Variants in MGST1 observed in about 807,000 individuals in gnomAD.
MGST1 encodes glutathione S-transferase 12.
MGST1 carries 5 observed loss-of-function variants against 8.9 expected under a neutral mutation model. That is an observed-to-expected ratio of 0.56 (90% CI 0.29 to 1.19). The LOEUF is 1.19. MGST1 is among the 50% of genes most tolerant of loss of function. The pLI, the probability that MGST1 is intolerant of heterozygous loss-of-function variation, is 0.08. For synonymous variants in MGST1, 54 were observed against 67.8 expected (o/e 0.80, Z 1.00); for missense variants, 182 against 187.4 (o/e 0.97, Z 0.17).
chr12:16,516,599 A>G (rs758342226), intron 4 of MGST1, among the ~76,000 whole-genome samples: 6 of 152,196 alleles, frequency 3.9e-5, no homozygotes, highest in Non-Finnish European at 7.3e-5. Flanking sequence ...CCAGTCTGAA[A>G]TTCTGTGGGC....
At chr12:16,540,443 A>G (rs1244073232) in intron 4 of MGST1, among the ~76,000 whole-genome samples, 1 of 152,152 alleles carries the variant, frequency 6.6e-6, no homozygotes, top group Non-Finnish European at 1.5e-5. Context: ...ATTGGTGTAT[A>G]AAAGGAACTG....
chr12:16,547,015 A>G lies in MGST1; in HGVS notation n.483-42513A>G, dbSNP rs2137220089. 6.6e-6 allele frequency among the ~76,000 whole-genome samples: 1 copy of G among 152,294 alleles called. No homozygotes were observed. The highest frequency in any genetic ancestry group is 1.5e-5 in the Non-Finnish European group (1 of 68,030). ...TATTCTTTGTACTGTTCAACACGAA[A>G]GTCTTACATCTTGATTATAAAAGTA... On this transcript the variant is annotated intron_variant and non_coding_transcript_variant, in intron 4 of 4. Coordinates refer to the MGST1 transcript ENST00000538857. This position sits in a 1 kb window ranked among gnomAD's most constrained non-coding sequence, Gnocchi z 4.6.
intron 4 of MGST1, among the ~76,000 whole-genome samples, chr12:16,492,413 G>C (rs560866079): frequency 6.6e-6 from 1 of 152,210 alleles, no homozygotes; most frequent in African/African-American, 2.4e-5. Flanking sequence ...AGCGCGGTTT[G>C]TGTTACAGCC....
At chr12:16,568,567 A>G (rs1467377280) in intron 4 of MGST1, among the ~76,000 whole-genome samples, 1 of 152,224 alleles carries the variant, frequency 6.6e-6, no homozygotes, top group African/African-American at 2.4e-5. Context: ...AGTGGGGCAT[A>G]TGTACCAGAT....
chr12:16,523,531 C>T (rs78295113), intron 4 of MGST1, among the ~76,000 whole-genome samples: 1 of 152,158 alleles, frequency 6.6e-6, no homozygotes, highest in Admixed American at 6.6e-5. Context: ...CAGCCATTCA[C>T]TTGCTGTTTT....
At chr12:16,404,904 C>T (rs1341901319) in intron 1 of MGST1, among the ~76,000 whole-genome samples, 1 of 148,624 alleles carries the variant, frequency 6.7e-6, no homozygotes, top group Non-Finnish European at 1.5e-5. Context: ...GTGGCAAACT[C>T]TCTCGGTTTT....
chr12:16,573,057 T>C (rs1032427780), intron 4 of MGST1, among the ~76,000 whole-genome samples: 38 of 151,926 alleles, frequency 2.5e-4, no homozygotes, highest in Non-Finnish European at 4.7e-4. Context: ...TCCAGATACA[T>C]CTTATAAAAG....
At chr12:16,528,821 A>G (rs1189815431) in intron 4 of MGST1, among the ~76,000 whole-genome samples, 1 of 152,058 alleles carries the variant, frequency 6.6e-6, no homozygotes, top group Non-Finnish European at 1.5e-5. Flanking sequence ...AGAAGAGCCC[A>G]TGTGGATTGG....
rs1241704075 is a variant in MGST1, at chr12:16,546,784, A to AT, written n.483-42737dup. On this transcript the variant is annotated intron_variant and non_coding_transcript_variant, in intron 4 of 4. Transcript: ENST00000538857. The surrounding 1 kb of genome is among the most constrained non-coding windows in gnomAD (Gnocchi z 4.7). ...GGTGACTTTTTATGTCAGGTTTGGT[A>AT]TTTTTTTAAATCCCTTCCCCTACTG... Among the ~76,000 whole-genome samples the AT allele has an allele frequency of 3.3e-5, 5 of 151,868 alleles. No homozygotes were observed. Among genetic ancestry groups the AT allele is most frequent in the African/African-American group, 4.8e-5 (2 of 41,364 alleles).
At chr12:16,373,590 T>C (rs1940333604) in intron 3 of MGST1, among the ~76,000 whole-genome samples, 1 of 151,984 alleles carries the variant, frequency 6.6e-6, no homozygotes, top group South Asian at 2.1e-4. Context: ...TAAAATAAAG[T>C]ATTTACTCTG....
Position 16,582,877 on chromosome 12 carries a change from G to A in MGST1, n.483-6651G>A, listed in dbSNP as rs746592121. Among the ~76,000 whole-genome samples, 21 of 151,720 alleles carry A rather than the reference G, an allele frequency of 1.4e-4. No individual in the cohort carries two copies. The highest frequency in any genetic ancestry group is 2.8e-4 in the Non-Finnish European group (19 of 67,918). Reference sequence around the variant, plus strand: ...AGCCTGGCCAACATGGCGAAACCCCGTCTCTACTAAAATAAAAAAATTAGC... The same window carrying A: ...AGCCTGGCCAACATGGCGAAACCCCATCTCTACTAAAATAAAAAAATTAGC... On this transcript the variant is annotated intron_variant and non_coding_transcript_variant, in intron 4 of 4. Coordinates refer to the MGST1 transcript ENST00000538857. The surrounding 1 kb of genome is among the most constrained non-coding windows in gnomAD (Gnocchi z 4.1).
chr12:16,373,408 G>A (rs1940328742), intron 3 of MGST1, among the ~76,000 whole-genome samples: 1 of 151,880 alleles, frequency 6.6e-6, no homozygotes, highest in Non-Finnish European at 1.5e-5. Context: ...GAATGCAATT[G>A]GAGTGTTCCT....
At chr12:16,536,784 G>C (rs935480120) in intron 4 of MGST1, among the ~76,000 whole-genome samples, 2 of 152,174 alleles carry the variant, frequency 1.3e-5, no homozygotes, top group Admixed American at 1.3e-4. Flanking sequence ...CCCTGGAACA[G>C]TATGGGGGAA....
In MGST1 at chr12:16,526,359, C is replaced by A. The variant is rs112381742; in HGVS notation, n.483-63169C>A. On this transcript the variant is annotated intron_variant and non_coding_transcript_variant, in intron 4 of 4. Coordinates refer to the MGST1 transcript ENST00000538857. Reference sequence around the variant, plus strand: ...GGTCAAAACTCAGGTTAAAACAAAGCTCTCCTGACCCCATTGGAATGTTCT... The same window carrying A: ...GGTCAAAACTCAGGTTAAAACAAAGATCTCCTGACCCCATTGGAATGTTCT... 3.1e-3 allele frequency among the ~76,000 whole-genome samples: 465 copies of A among 152,058 alleles called. 6 individuals are homozygous for A. Among genetic ancestry groups the A allele is most frequent in the African/African-American group, 0.01 (434 of 41,488 alleles).
intron 4 of MGST1, among the ~76,000 whole-genome samples, chr12:16,444,045 C>T (rs983028763): frequency 8.6e-5 from 13 of 151,796 alleles, no homozygotes; most frequent in Non-Finnish European, 1.9e-4. Flanking sequence ...ATAGCGTAGC[C>T]AGATTAGCCT....
intron 1 of MGST1, among the ~76,000 whole-genome samples, chr12:16,350,348 A>G (rs1196964542): frequency 1.3e-5 from 2 of 152,248 alleles, no homozygotes; most frequent in Non-Finnish European, 2.9e-5. Flanking sequence ...TATAATGAGC[A>G]AACAAACCAC....
At chr12:16,552,736 A>C (rs1412799858) in intron 4 of MGST1, among the ~76,000 whole-genome samples, 2 of 152,052 alleles carry the variant, frequency 1.3e-5, no homozygotes, top group Non-Finnish European at 2.9e-5. Context: ...TTGAAATCCT[A>C]GGGTTGTTTG....
chr12:16,555,656 G>T lies in MGST1; in HGVS notation n.483-33872G>T, dbSNP rs914210413. The stretch of plus-strand genomic sequence containing the variant: ...AAGTTTACAATTTCATTTCCTCTAG[G>T]TGCTTGCTCTCTTTCTACTCCTCCA... On this transcript the variant is annotated intron_variant and non_coding_transcript_variant, in intron 4 of 4. Transcript: ENST00000538857. The surrounding 1 kb of genome is among the most constrained non-coding windows in gnomAD (Gnocchi z 5.5). Among the ~76,000 whole-genome samples the T allele has an allele frequency of 6.6e-6, 1 of 151,950 alleles. No individual in the cohort carries two copies. Among genetic ancestry groups the T allele is most frequent in the African/African-American group, 2.4e-5 (1 of 41,368 alleles).
chr12:16,393,047 G>GAAGT (rs1940568169), intron 1 of MGST1, among the ~76,000 whole-genome samples: 1 of 152,248 alleles, frequency 6.6e-6, no homozygotes, highest in Admixed American at 6.5e-5. Context: ...ATCATGAGTT[G>GAAGT]AAGTTTTATA....
Sources: allele counts gnomAD v4.1 joint callset (sites outside exome capture counted in the v4.1 genomes callset), GRCh38; gene constraint gnomAD v4.1.1; non-coding constraint Gnocchi (gnomAD v3.1); transcripts MANE v1.5; gene names NCBI Gene and HGNC (gene_info 2026-07-23, HGNC 2026-07-21).